The following SBF2 variants were observed in gnomAD, a reference collection of about 807,000 sequenced individuals.
SBF2 encodes myotubularin-related protein 13.
In SBF2, 112 loss-of-function variants were observed where a neutral mutation model predicts 225.2. The ratio of observed to expected loss-of-function variants is 0.50; its 90% CI spans 0.43 to 0.58. The LOEUF (loss-of-function observed/expected upper bound fraction) is 0.58. Among genes scored for constraint, SBF2 ranks in the 20% least tolerant of loss-of-function variants. The pLI, the probability that SBF2 is intolerant of heterozygous loss-of-function variation, is 0.00. For missense variants in SBF2, 1,996 were observed against 2,206.2 expected, an observed-to-expected ratio of 0.90 and a Z score of 1.91; for synonymous variants, 763 against 773.3, an observed-to-expected ratio of 0.99 and a Z score of 0.22.
intron 16 of SBF2, among the ~76,000 whole-genome samples, chr11:9,903,447 T>A (rs1861885942): frequency 6.6e-6 from 1 of 152,192 alleles, no homozygotes; most frequent in African/African-American, 2.4e-5. Flanking sequence ...AGTCAAGGTA[T>A]CCAAGGTATT....
chr11:10,218,670 C>A (rs1748282702), intron 1 of SBF2, among the ~76,000 whole-genome samples: 1 of 152,158 alleles, frequency 6.6e-6, no homozygotes. Flanking sequence ...ACCCTGAATG[C>A]ACCTGATCTC....
At chr11:10,080,948 C>T (rs1054151075) in intron 2 of SBF2, among the ~76,000 whole-genome samples, 1 of 151,958 alleles carries the variant, frequency 6.6e-6, no homozygotes, top group Non-Finnish European at 1.5e-5. Flanking sequence ...CTGCAGCACC[C>T]AGATTCATAA....
chr11:9,820,131 C>A (rs1219942861), intron 28 of SBF2, among the ~76,000 whole-genome samples: 1 of 152,126 alleles, frequency 6.6e-6, no homozygotes, highest in Non-Finnish European at 1.5e-5. Flanking sequence ...ACTTTCCAAG[C>A]AAACAAATTG....
At chr11:10,153,746 C>T (rs897866214) in intron 2 of SBF2, among the ~76,000 whole-genome samples, 1 of 151,628 alleles carries the variant, frequency 6.6e-6, no homozygotes, top group Non-Finnish European at 1.5e-5. Context: ...TTGAAAAGAT[C>T]AACAAAATTT....
chr11:10,208,304 G>A (rs7938543), intron 1 of SBF2, among the ~76,000 whole-genome samples: 77,466 of 151,850 alleles, frequency 0.51, 20,247 homozygotes, highest in East Asian at 0.66. Context: ...ATCTCCTCCA[G>A]ATAGATTATG....
intron 1 of SBF2, among the ~76,000 whole-genome samples, chr11:10,220,250 A>AT (rs1184287061): frequency 6.6e-6 from 1 of 152,138 alleles, no homozygotes; most frequent in Non-Finnish European, 1.5e-5. Context: ...CATAAGACTT[A>AT]TTCACTATCA....
At chr11:10,299,337 C>CA (rs5789634) in intron 1 of SBF2, among the ~76,000 whole-genome samples, 25,518 of 62,542 alleles carry the variant, frequency 0.41, 4,867 homozygotes, top group Non-Finnish European at 0.45. Flanking sequence ...GAGTCCATCT[C>CA]AAAAAAAAAA....
intron 28 of SBF2, chr11:9,828,009 G>T (rs1564888814): frequency 9.9e-6 from 5 of 503,332 alleles, no homozygotes; most frequent in Admixed American, 3.5e-5. Flanking sequence ...TTCAGAAGAG[G>T]GTAATTAAGA....
chr11:10,208,539 G>A (rs376643905), intron 1 of SBF2, among the ~76,000 whole-genome samples: 1 of 152,024 alleles, frequency 6.6e-6, no homozygotes, highest in African/African-American at 2.4e-5. Flanking sequence ...GCAAAGGAGG[G>A]GGTGAAGGAG....
chr11:10,254,755 T>C (rs1278595402), intron 1 of SBF2, among the ~76,000 whole-genome samples: 2 of 151,020 alleles, frequency 1.3e-5, no homozygotes, highest in African/African-American at 2.4e-5. Flanking sequence ...ATTAAAAAAG[T>C]TAGCTGGGCA....
At chr11:10,055,454 C>A (rs182654037) in intron 2 of SBF2, among the ~76,000 whole-genome samples, 300 of 150,918 alleles carry the variant, frequency 2.0e-3, no homozygotes, top group African/African-American at 6.6e-3. Flanking sequence ...TATCACAGCA[C>A]AATTCACAAT....
rs185051903 is a variant in SBF2 at position 10,109,964 on chromosome 11, C to T, written c.142-66983G>A. On this transcript the variant is annotated intron_variant, in intron 2 of 39. Transcript: ENST00000256190. ...TGAATCAATTGTTTCTCAACTACTT[C>T]CAAACAAAATATTTCAAATTCCACA... 2.6e-3 allele frequency among the ~76,000 whole-genome samples: 391 copies of T among 152,260 alleles called. 2 individuals are homozygous for T. The highest frequency in any genetic ancestry group is 5.0e-3 in the Admixed American group (76 of 15,296).
At chr11:9,983,295 G>C (rs1258683796) in intron 13 of SBF2, among the ~76,000 whole-genome samples, 1 of 152,156 alleles carries the variant, frequency 6.6e-6, no homozygotes, top group East Asian at 1.9e-4. Flanking sequence ...GGTGAGGCCT[G>C]TGACTGCCGG....
At chr11:9,879,219 C>T (rs1859537262) in intron 17 of SBF2, among the ~76,000 whole-genome samples, 1 of 152,138 alleles carries the variant, frequency 6.6e-6, no homozygotes, top group Non-Finnish European at 1.5e-5. Flanking sequence ...GGAAACAGTG[C>T]CACCTAAGCA....
At position 9,824,049 on chromosome 11, in the gene SBF2, G is replaced by A. The variant is rs555738573; in HGVS notation, c.3793+5307C>T. ...TTTTCAGCAGAAAGTATTTGAGAAG[G>A]GTGTCAGAAATAATATTTATAGCCT... is the stretch of plus-strand genomic sequence containing the variant. On this transcript the variant is annotated intron_variant, in intron 28 of 39. Coordinates refer to ENST00000256190, the MANE Select transcript of SBF2 (RefSeq NM_030962.4). Among the ~76,000 whole-genome samples, 223 of 152,246 alleles carry A rather than the reference G, an allele frequency of 1.5e-3. 1 individual carries two copies. Among genetic ancestry groups the A allele is most frequent in the African/African-American group, 5.1e-3 (211 of 41,542 alleles).
chr11:10,105,928 T>C (rs557201043), intron 2 of SBF2, among the ~76,000 whole-genome samples: 344 of 152,262 alleles, frequency 2.3e-3, no homozygotes, highest in African/African-American at 7.3e-3. Context: ...CAAGGGGCAA[T>C]AGGAAATTAT....
intron 1 of SBF2, among the ~76,000 whole-genome samples, chr11:10,197,842 C>T (rs1957432754): frequency 2.6e-5 from 4 of 152,146 alleles, no homozygotes; most frequent in Admixed American, 2.0e-4. Context: ...TTCAAGAAAC[C>T]ATTTTCTTTG....
chr11:10,063,407 G>C (rs1950518368), intron 2 of SBF2, among the ~76,000 whole-genome samples: 2 of 150,180 alleles, frequency 1.3e-5, no homozygotes, highest in African/African-American at 4.9e-5. Flanking sequence ...GCCCAGGCTG[G>C]AGTGCAGTGG....
chr11:9,876,741 T>G (rs1210779524), intron 17 of SBF2, among the ~76,000 whole-genome samples: 1 of 152,154 alleles, frequency 6.6e-6, no homozygotes, highest in Admixed American at 6.6e-5. Context: ...TAAGTAGAAC[T>G]TTGTTGTTGT....
Sources: allele counts gnomAD v4.1 joint callset (sites outside exome capture counted in the v4.1 genomes callset), GRCh38; gene constraint gnomAD v4.1.1; transcripts MANE v1.5; gene names NCBI Gene and HGNC (gene_info 2026-07-23, HGNC 2026-07-21).